The following BANK1 variants were observed in gnomAD, a reference collection of about 807,000 sequenced individuals.
The protein encoded by BANK1 is B-cell scaffold protein with ankyrin repeats.
A neutral mutation model predicts 94.5 loss-of-function variants in BANK1; 95 were observed. The observed-to-expected ratio is 1.00, with a 90% confidence interval of 0.85 to 1.19. The LOEUF (loss-of-function observed/expected upper bound fraction) is 1.19, where lower values mean the gene tolerates loss of function less well. Ranked by LOEUF, BANK1 falls within the 50% of genes most tolerant of loss-of-function variation. The probability of loss-of-function intolerance (pLI) is 0.00; values close to 1 mark genes in which losing one functional copy is unlikely to be tolerated. For synonymous variants in BANK1, 334 were observed against 308.4 expected, an observed-to-expected ratio of 1.08 and a Z score of -0.87; for missense variants, 987 against 932.2, an observed-to-expected ratio of 1.06 and a Z score of -0.77.
At chr4:101,796,168 A>C (rs1237901310) in intron 1 of BANK1, among the ~76,000 whole-genome samples, 2 of 152,194 alleles carry the variant, frequency 1.3e-5, no homozygotes, top group Non-Finnish European at 2.9e-5. Flanking sequence ...TGATGAAAAA[A>C]CTGAGGAGAC....
intron 7 of BANK1, among the ~76,000 whole-genome samples, chr4:101,991,057 C>T (rs1725689833): frequency 6.6e-6 from 1 of 152,124 alleles, no homozygotes; most frequent in African/African-American, 2.4e-5. Flanking sequence ...ATCTTTATTA[C>T]AATCATTAGT....
At chr4:102,061,271 C>T (rs1728409827) in intron 12 of BANK1, 1 of 152,184 alleles carries the variant, frequency 6.6e-6, no homozygotes, top group Admixed American at 6.6e-5. Flanking sequence ...AGAAATTTCA[C>T]ACAATATAGT....
In BANK1 at chr4:101,790,918, C is replaced by A; in HGVS notation, c.38C>A (p.Pro13Gln). Reference protein sequence around the residue: ...PAAPGKGLGSPDPAPCGPAPP... With the variant: ...PAAPGKGLGSQDPAPCGPAPP... ...GCGCCAGGCAAGGGGCTTGGGAGCC[C>A]GGACCCCGCCCCCTGCGGCCCAGCG... The change falls in exon 1 of 17, where the codon CCG (proline) becomes CAG (glutamine). Residue 13 changes from proline to glutamine, a missense_variant. By Grantham distance (76) the Pro-to-Gln change is moderately conservative. Coordinates refer to ENST00000322953, the MANE Select transcript of BANK1 (RefSeq NM_017935.5). 1 of 1,535,728 alleles carries A rather than the reference C, an allele frequency of 6.5e-7. No individual in the cohort carries two copies.
intron 5 of BANK1, among the ~76,000 whole-genome samples, chr4:101,875,161 G>C (rs1372930019): frequency 6.6e-6 from 1 of 152,182 alleles, no homozygotes; most frequent in African/African-American, 2.4e-5. Flanking sequence ...AAAATCTTGA[G>C]TCAACAATGC....
chr4:101,965,851 A>G (rs1031934995), intron 7 of BANK1, among the ~76,000 whole-genome samples: 5 of 152,052 alleles, frequency 3.3e-5, no homozygotes, highest in Non-Finnish European at 5.9e-5. Context: ...TTTTCATTTG[A>G]TAATAGTGTG....
chr4:101,916,048 T>C (rs1348380758), intron 6 of BANK1, among the ~76,000 whole-genome samples: 6 of 152,076 alleles, frequency 3.9e-5, no homozygotes, highest in Non-Finnish European at 8.8e-5. Context: ...TTCAGCTACC[T>C]TCCCTACTCT....
chr4:101,915,781 A>G (rs73836641), intron 6 of BANK1, among the ~76,000 whole-genome samples: 121 of 152,236 alleles, frequency 7.9e-4, no homozygotes, highest in African/African-American at 2.7e-3. Flanking sequence ...TGTTTACATT[A>G]TCAAGGTTTT....
intron 7 of BANK1, among the ~76,000 whole-genome samples, chr4:101,924,969 T>C (rs1359744835): frequency 2.0e-5 from 3 of 151,736 alleles, no homozygotes; most frequent in African/African-American, 7.2e-5. Context: ...ATAATTAGTA[T>C]TTTAAAAAAT....
At chr4:101,863,569 C>A (rs145879917) in intron 4 of BANK1, among the ~76,000 whole-genome samples, 2 of 152,150 alleles carry the variant, frequency 1.3e-5, no homozygotes, top group Non-Finnish European at 2.9e-5. Flanking sequence ...CATTTACAGA[C>A]TTCTGTTTGT....
chr4:102,017,001 G>A (rs1001572204), intron 7 of BANK1, among the ~76,000 whole-genome samples: 1 of 150,944 alleles, frequency 6.6e-6, no homozygotes, highest in African/African-American at 2.5e-5. Flanking sequence ...AAGATAGTTG[G>A]CCAGTGCAGA....
intron 7 of BANK1, among the ~76,000 whole-genome samples, chr4:101,941,420 CAA>C (rs780166730): frequency 4.0e-5 from 6 of 151,742 alleles, no homozygotes; most frequent in Admixed American, 6.6e-5. Flanking sequence ...GCTGACAAGA[CAA>C]AGAGAGATAT....
rs78621778 is a variant in BANK1 at position 101,951,950 on chromosome 4, C to G, written c.1206+33761C>G. ...CATCCTTGAGCTCAGTTATAGCAAG[C>G]AAATGGCCACATGCTGTTTTACTAT... is the stretch of plus-strand genomic sequence containing the variant. On this transcript the variant is annotated intron_variant, in intron 7 of 16. Transcript: ENST00000322953. 4.7e-3 allele frequency among the ~76,000 whole-genome samples: 711 copies of G among 152,064 alleles called. 13 individuals carry two copies. The East Asian group carries it at 0.057, about 12-fold the overall frequency.
intron 7 of BANK1, among the ~76,000 whole-genome samples, chr4:101,957,628 A>G (rs1724391948): frequency 2.0e-5 from 3 of 152,224 alleles, no homozygotes; most frequent in South Asian, 4.1e-4. Flanking sequence ...TCCAAATTAT[A>G]TGAAAAATTT....
chr4:101,791,427 C>T (rs1578319077), intron 1 of BANK1, among the ~76,000 whole-genome samples: 1 of 152,190 alleles, frequency 6.6e-6, no homozygotes, highest in East Asian at 1.9e-4. Context: ...TGCTTCTTGG[C>T]AGGTGGCTTT....
At chr4:101,992,911 C>G (rs941108974) in intron 7 of BANK1, among the ~76,000 whole-genome samples, 5 of 152,176 alleles carry the variant, frequency 3.3e-5, no homozygotes, top group Admixed American at 3.3e-4. Context: ...TCGCCCAGAA[C>G]TGAGGGTTTT....
intron 7 of BANK1, among the ~76,000 whole-genome samples, chr4:101,967,331 T>G (rs1450870425): frequency 6.6e-6 from 1 of 151,956 alleles, no homozygotes; most frequent in Admixed American, 6.6e-5. Flanking sequence ...ATTAAAAAAT[T>G]TAGATCCAGG....
At chr4:101,809,413 T>C (rs1343755231) in intron 1 of BANK1, among the ~76,000 whole-genome samples, 3 of 152,104 alleles carry the variant, frequency 2.0e-5, no homozygotes, top group Admixed American at 6.5e-5. Flanking sequence ...GCTTAGGTGA[T>C]GGATGCACCA....
rs1353622936 is a variant in BANK1 at position 101,999,199 on chromosome 4, A to T, written c.1207-22315A>T. ...ACTTTTACTGCACACTCAGTTGAAT[A>T]CTCTCAATATTAAAGCTCATGCCCT... On this transcript the variant is annotated intron_variant, in intron 7 of 16. Coordinates refer to ENST00000322953, the MANE Select transcript of BANK1 (RefSeq NM_017935.5). 2.0e-5 allele frequency among the ~76,000 whole-genome samples: 3 copies of T among 152,158 alleles called. No homozygotes were observed. In the East Asian group the frequency reaches 5.8e-4, roughly 29 times the overall value.
chr4:102,055,809 A>G (rs1728207603), intron 11 of BANK1, among the ~76,000 whole-genome samples: 1 of 152,148 alleles, frequency 6.6e-6, no homozygotes, highest in African/African-American at 2.4e-5. Flanking sequence ...AACTCTTTCT[A>G]TAATAACTTA....
Sources: allele counts gnomAD v4.1 joint callset (sites outside exome capture counted in the v4.1 genomes callset), GRCh38; gene constraint gnomAD v4.1.1; transcripts MANE v1.5; gene names NCBI Gene and HGNC (gene_info 2026-07-23, HGNC 2026-07-21).